The following LGR4 variants were observed in gnomAD, a reference collection of about 807,000 sequenced individuals.
LGR4 encodes leucine-rich repeat-containing G protein-coupled receptor 4.
LGR4 carries 44 observed loss-of-function variants against 84.8 expected under a neutral mutation model. That is an observed-to-expected ratio of 0.52 (90% CI 0.41 to 0.67). The LOEUF is 0.67. Ranked by LOEUF, LGR4 falls within the 30% of genes least tolerant of loss-of-function variation. The pLI is 0.00. For synonymous variants in LGR4, 429 were observed against 434.3 expected (o/e 0.99, Z 0.15); for missense variants, 1,032 against 1,131.4 (o/e 0.91, Z 1.26).
At chr11:27,380,187 AT>A (rs1007304008) in intron 10 of LGR4, 83 bp downstream of exon 10, 1 of 780,316 alleles carries the variant, frequency 1.3e-6, no homozygotes, top group African/African-American at 1.8e-5. Context: ...TAAACCCATC[AT>A]TGTCACTAAA....
chr11:27,469,432 C>T lies in LGR4; in HGVS notation c.185+2686G>A, dbSNP rs190645875. Among the ~76,000 whole-genome samples the T allele has an allele frequency of 3.8e-4, 58 of 152,298 alleles. No homozygotes were observed. In the East Asian group the frequency reaches 9.5e-3, roughly 25 times the overall value. On this transcript the variant is annotated intron_variant, in intron 1 of 17. Coordinates refer to ENST00000379214, the MANE Select transcript of LGR4 (RefSeq NM_018490.5). ...GCCACGGTTCTGCTCCTCGGTGTGG[C>T]CTTGCATCCTTATTTATTCACTCCA... is the stretch of plus-strand genomic sequence containing the variant.
intron 1 of LGR4, among the ~76,000 whole-genome samples, chr11:27,464,880 T>C (rs183122084): frequency 2.4e-4 from 37 of 152,304 alleles, no homozygotes; most frequent in Admixed American, 1.6e-3. Flanking sequence ...CAATTTTGTT[T>C]TTAAAACTTT....
At chr11:27,448,780 A>G (rs939616234) in intron 1 of LGR4, among the ~76,000 whole-genome samples, 1 of 152,198 alleles carries the variant, frequency 6.6e-6, no homozygotes, top group African/African-American at 2.4e-5. Context: ...TCTAGAAGAG[A>G]GTAATGAGAC....
At chr11:27,413,630 C>T (rs1298356906) in intron 1 of LGR4, among the ~76,000 whole-genome samples, 1 of 152,116 alleles carries the variant, frequency 6.6e-6, no homozygotes, top group Non-Finnish European at 1.5e-5. Flanking sequence ...AGGGAAAGTC[C>T]CAGCATGCGC....
intron 1 of LGR4, among the ~76,000 whole-genome samples, chr11:27,427,032 A>T (rs945685339): frequency 3.1e-4 from 47 of 152,316 alleles, no homozygotes; most frequent in Admixed American, 2.7e-3. Context: ...AAAGAGAAAA[A>T]CAGTACTACC....
chr11:27,458,933 G>A (rs1403932854), intron 1 of LGR4, among the ~76,000 whole-genome samples: 1 of 151,982 alleles, frequency 6.6e-6, no homozygotes, highest in African/African-American at 2.4e-5. Flanking sequence ...AAAATATGGA[G>A]GCAATAAATA....
intron 1 of LGR4, among the ~76,000 whole-genome samples, chr11:27,430,886 A>G (rs1379598273): frequency 6.9e-6 from 1 of 145,230 alleles, no homozygotes; most frequent in Non-Finnish European, 1.5e-5. Flanking sequence ...AATCATCCCC[A>G]CCCCACTCCC....
rs928715624 is a variant in LGR4 at position 27,381,712 on chromosome 11, A to AT, written c.758+475_758+476insA. On this transcript the variant is annotated intron_variant, in intron 7 of 17. Transcript: ENST00000379214. ...CTCAAAACATACAAACAATCAAAAAAAAAAATAAAAACAAAAATGCTCCCT... is the reference window on the plus strand; with the variant it reads ...CTCAAAACATACAAACAATCAAAAAATAAAAATAAAAACAAAAATGCTCCCT... Among the ~76,000 whole-genome samples the AT allele has an allele frequency of 9.7e-4, 147 of 152,130 alleles. 1 individual carries two copies. Among genetic ancestry groups the AT allele is most frequent in the Non-Finnish European group, 1.9e-3 (126 of 67,978 alleles).
At chr11:27,386,801 T>G (rs2133374560) in intron 4 of LGR4, among the ~76,000 whole-genome samples, 1 of 152,312 alleles carries the variant, frequency 6.6e-6, no homozygotes, top group African/African-American at 2.4e-5. Flanking sequence ...GAAAGAACAC[T>G]TAAAAAGGGA....
At chr11:27,401,344 G>A (rs1365735293) in intron 2 of LGR4, among the ~76,000 whole-genome samples, 2 of 152,042 alleles carry the variant, frequency 1.3e-5, no homozygotes, top group African/African-American at 2.4e-5. Context: ...TGGCCTTTGC[G>A]TCTCCCACTT....
intron 1 of LGR4, among the ~76,000 whole-genome samples, chr11:27,413,536 T>G (rs950144111): frequency 4.6e-5 from 7 of 152,178 alleles, no homozygotes; most frequent in Admixed American, 4.6e-4. Flanking sequence ...CCCTCCTCCC[T>G]GGCAGCTGCC....
At chr11:27,410,891 G>A (rs879647905) in intron 2 of LGR4, among the ~76,000 whole-genome samples, 15 of 152,162 alleles carry the variant, frequency 9.9e-5, no homozygotes, top group Non-Finnish European at 1.0e-4. Context: ...CCAATTAAAA[G>A]TCCTGGTTGG....
At chr11:27,423,024 A>G (rs1310193821) in intron 1 of LGR4, among the ~76,000 whole-genome samples, 4 of 152,200 alleles carry the variant, frequency 2.6e-5, no homozygotes, top group African/African-American at 9.6e-5. Flanking sequence ...CTTACTGTGC[A>G]TAAAATGTTT....
Position 27,373,470 on chromosome 11 carries a change from C to A in LGR4, c.1379+81G>T, listed in dbSNP as rs1316094733. The A allele has an allele frequency of 2.5e-5, 34 of 1,352,616 alleles. No individual in the cohort carries two copies. The South Asian group carries it at 4.7e-4, about 19-fold the overall frequency. The allele number at this position is 1,352,616 out of a possible 1,614,324, so 83.8% of individuals were successfully genotyped here. On this transcript the variant is annotated intron_variant, in intron 15 of 17. Coordinates refer to ENST00000379214, the MANE Select transcript of LGR4 (RefSeq NM_018490.5). Reference sequence around the variant, plus strand: ...TATAGCCTATCAGAAAATCTGAGAACCAGAGCAAAAAACCAGGACACTCTG... The same window carrying A: ...TATAGCCTATCAGAAAATCTGAGAAACAGAGCAAAAAACCAGGACACTCTG...
At chr11:27,432,571 C>T (rs763636301) in intron 1 of LGR4, among the ~76,000 whole-genome samples, 3 of 152,110 alleles carry the variant, frequency 2.0e-5, no homozygotes, top group Non-Finnish European at 2.9e-5. Flanking sequence ...TGACATATAA[C>T]GAAGAAGTTC....
At chr11:27,409,991 A>G (rs1863680278) in intron 2 of LGR4, among the ~76,000 whole-genome samples, 1 of 152,182 alleles carries the variant, frequency 6.6e-6, no homozygotes, top group South Asian at 2.1e-4. Context: ...ACTTTCTGCA[A>G]TGATGGAAAT....
intron 1 of LGR4, among the ~76,000 whole-genome samples, chr11:27,416,886 A>G (rs1863829760): frequency 6.6e-6 from 1 of 152,144 alleles, no homozygotes; most frequent in Admixed American, 6.6e-5. Flanking sequence ...AAATTCACTA[A>G]TGCTAAAGTA....
chr11:27,371,536 T>C, intron 17 of LGR4, 79 bp downstream of exon 17: 2 of 994,054 alleles, frequency 2.0e-6, no homozygotes, highest in Non-Finnish European at 3.2e-6. Context: ...AGAAATCACA[T>C]CTATACCCAG....
intron 1 of LGR4, among the ~76,000 whole-genome samples, chr11:27,441,190 C>G (rs182940285): frequency 1.1e-3 from 160 of 152,230 alleles, no homozygotes; most frequent in African/African-American, 2.6e-3. Context: ...CAAGTATCCT[C>G]AATGCATAGG....
Sources: allele counts gnomAD v4.1 joint callset (sites outside exome capture counted in the v4.1 genomes callset), GRCh38; gene constraint gnomAD v4.1.1; transcripts MANE v1.5; gene names NCBI Gene and HGNC (gene_info 2026-07-23, HGNC 2026-07-21).